AFAP1L1: variants seen among roughly 807,000 people sequenced by gnomAD.
AFAP1L1 encodes actin filament-associated protein 1-like 1.
Under a neutral mutation model 99.8 loss-of-function variants are expected in AFAP1L1, and 77 were observed. The ratio of observed to expected loss-of-function variants is 0.77; its 90% CI spans 0.64 to 0.93. The LOEUF is 0.93. Among genes scored for constraint, AFAP1L1 ranks in the 40% least tolerant of loss-of-function variants. AFAP1L1 has a pLI of 0.00. For synonymous variants in AFAP1L1, 373 were observed against 395.3 expected, an observed-to-expected ratio of 0.94 and a Z score of 0.67; for missense variants, 893 against 996.8, an observed-to-expected ratio of 0.90 and a Z score of 1.40.
At chr5:149,333,703 T>A (rs186601066) in intron 17 of AFAP1L1, among the ~76,000 whole-genome samples, 5 of 152,324 alleles carry the variant, frequency 3.3e-5, no homozygotes, top group Admixed American at 3.3e-4. Flanking sequence ...AGGTCCTACC[T>A]AAGGATATCA....
rs1321313401 is a variant in AFAP1L1 at position 149,340,835 on chromosome 5, A to T, written c.*805A>T. 2 of 152,176 alleles carry T rather than the reference A, an allele frequency of 1.3e-5. No homozygotes were observed. Among genetic ancestry groups the T allele is most frequent in the African/African-American group, 4.8e-5 (2 of 41,460 alleles). The allele number at this position is 152,176 out of a possible 1,614,324, so 9.4% of individuals were successfully genotyped here. A position where few individuals can be genotyped will look rare whatever the true frequency, so the allele number is the denominator to read the frequency against. On this transcript the variant is annotated 3_prime_UTR_variant, in exon 19 of 19. Transcript: ENST00000296721. Reference sequence around the variant, plus strand: ...TCAAGTCCCTTACCTATGTTCTGACACTGAGGCTCTTGGAGCTATGGGTTA... The same window carrying T: ...TCAAGTCCCTTACCTATGTTCTGACTCTGAGGCTCTTGGAGCTATGGGTTA...
rs1331362599 is a variant in AFAP1L1, at chr5:149,320,816, G to T, written c.1698+353G>T. Reference sequence around the variant, plus strand: ...GCTGATTCCGTGGTGTCTGGGGCAGGTCCTGACTCTGGGACCACCCCGCAA... The same window carrying T: ...GCTGATTCCGTGGTGTCTGGGGCAGTTCCTGACTCTGGGACCACCCCGCAA... On this transcript the variant is annotated intron_variant, in intron 14 of 18. Coordinates refer to ENST00000296721, the MANE Select transcript of AFAP1L1 (RefSeq NM_152406.4). This position sits in a 1 kb window ranked among gnomAD's most constrained non-coding sequence, Gnocchi z 4.0. Among the ~76,000 whole-genome samples the T allele has an allele frequency of 6.6e-6, 1 of 152,222 alleles. No individual in the cohort carries two copies. Among genetic ancestry groups the T allele is most frequent in the Non-Finnish European group, 1.5e-5 (1 of 68,042 alleles).
At chr5:149,300,745 T>G (rs1375097626) in intron 3 of AFAP1L1, among the ~76,000 whole-genome samples, 1 of 152,238 alleles carries the variant, frequency 6.6e-6, no homozygotes, top group African/African-American at 2.4e-5. Context: ...GCAGAGTACC[T>G]GCCGTCCTAG....
chr5:149,284,409 T>A (rs1419786743), intron 1 of AFAP1L1, among the ~76,000 whole-genome samples: 1 of 152,088 alleles, frequency 6.6e-6, no homozygotes, highest in Admixed American at 6.5e-5. Context: ...GAGATAACAG[T>A]CTCCTATCTA....
chr5:149,279,715 G>T (rs912364486), intron 1 of AFAP1L1, among the ~76,000 whole-genome samples: 1 of 152,176 alleles, frequency 6.6e-6, no homozygotes, highest in Non-Finnish European at 1.5e-5. Flanking sequence ...CACTTTGCCA[G>T]CTCGCTTTGG....
At chr5:149,300,409 T>C in intron 3 of AFAP1L1, 55 bp downstream of exon 3, 1 of 1,503,140 alleles carries the variant, frequency 6.7e-7, no homozygotes, top group Non-Finnish European at 9.2e-7. Context: ...TCCCTGTGTA[T>C]GCAGAAGGGT....
chr5:149,314,967 C>T (rs963061866), intron 9 of AFAP1L1, among the ~76,000 whole-genome samples: 1 of 152,162 alleles, frequency 6.6e-6, no homozygotes, highest in African/African-American at 2.4e-5. Context: ...TGAGCTGGCT[C>T]CGTCACAGCA....
chr5:149,340,865 T>C lies in AFAP1L1; in HGVS notation c.*835T>C, dbSNP rs1757543282. ...GGCTCTTGGAGCTATGGGTTAGAAATCCAGGAGGCAATATGTCTTTATTCT... is the reference window on the plus strand; with the variant it reads ...GGCTCTTGGAGCTATGGGTTAGAAACCCAGGAGGCAATATGTCTTTATTCT... On this transcript the variant is annotated 3_prime_UTR_variant, in exon 19 of 19. Transcript: ENST00000296721. 1 of 149,840 alleles carries C rather than the reference T, an allele frequency of 6.7e-6. No individual in the cohort carries two copies. The highest frequency in any genetic ancestry group is 1.5e-5 in the Non-Finnish European group (1 of 66,434). The allele number at this position is 149,840 out of a possible 1,614,324, so 9.3% of individuals were successfully genotyped here.
intron 18 of AFAP1L1, among the ~76,000 whole-genome samples, chr5:149,337,724 G>C (rs953870683): frequency 1.3e-5 from 2 of 152,130 alleles, no homozygotes; most frequent in Non-Finnish European, 2.9e-5. Flanking sequence ...GTTAATGTAA[G>C]AAGATAATTC....
At position 149,320,489 on chromosome 5, in the gene AFAP1L1, A is replaced by G. The variant is rs1236800430; in HGVS notation, c.1698+26A>G. ...GTACAGTCCCTTGGGGCTGCCCAGG[A>G]ATGTGGCAAAGGCCACTTATTAGCT... On this transcript the variant is annotated intron_variant, in intron 14 of 18. Coordinates refer to ENST00000296721, the MANE Select transcript of AFAP1L1 (RefSeq NM_152406.4). The surrounding 1 kb of genome is among the most constrained non-coding windows in gnomAD (Gnocchi z 4.0). 1 of 1,610,380 alleles carries G rather than the reference A, an allele frequency of 6.2e-7. No individual in the cohort carries two copies. The highest frequency in any genetic ancestry group is 1.7e-5 in the Admixed American group (1 of 60,020).
chr5:149,279,103 C>T (rs1439047715), intron 1 of AFAP1L1, among the ~76,000 whole-genome samples: 1 of 152,188 alleles, frequency 6.6e-6, no homozygotes, highest in Non-Finnish European at 1.5e-5. Flanking sequence ...AACTCAACCA[C>T]ATGAGAAGTT....
chr5:149,301,809 C>G (rs1012123419), intron 4 of AFAP1L1, among the ~76,000 whole-genome samples: 4 of 152,244 alleles, frequency 2.6e-5, no homozygotes, highest in African/African-American at 9.6e-5. Context: ...TCATTGTCAT[C>G]ATCACCAGCA....
At chr5:149,325,460 C>T (rs1000541733) in intron 15 of AFAP1L1, among the ~76,000 whole-genome samples, 2 of 152,196 alleles carry the variant, frequency 1.3e-5, no homozygotes, top group Non-Finnish European at 2.9e-5. Flanking sequence ...AAGCTCCCTT[C>T]CTCTACCCAG....
Position 149,341,779 on chromosome 5 carries a change from AG to A in AFAP1L1, c.*1750del, listed in dbSNP as rs1398455259. 3.9e-5 allele frequency: 6 copies of A among 152,034 alleles called. No homozygotes were observed. Among genetic ancestry groups the A allele is most frequent in the African/African-American group, 1.4e-4 (6 of 41,394 alleles). The allele number at this position is 152,034 out of a possible 1,614,324, so 9.4% of individuals were successfully genotyped here. On this transcript the variant is annotated 3_prime_UTR_variant, in exon 19 of 19. Coordinates refer to ENST00000296721, the MANE Select transcript of AFAP1L1 (RefSeq NM_152406.4). ...AAGACCCCATCTATTAAAAAAAAAA[AG>A]TGGCTATTATTAGCTATATCAGAAA... is the stretch of plus-strand genomic sequence containing the variant.
At chr5:149,312,755 C>T (rs1756674483) in intron 9 of AFAP1L1, among the ~76,000 whole-genome samples, 1 of 151,998 alleles carries the variant, frequency 6.6e-6, no homozygotes, top group South Asian at 2.1e-4. Context: ...CGTCACTGCA[C>T]TCCAGCCTGG....
At position 149,290,060 on chromosome 5, in the gene AFAP1L1, C is replaced by G. The variant is rs571679703; in HGVS notation, c.17-9449C>G. On this transcript the variant is annotated intron_variant, in intron 1 of 18. Transcript: ENST00000296721. Reference sequence around the variant, plus strand: ...CATCCTGGCTAACATGGTGAAACACCTTCTCTACTAAAAATACAAAAAATT... The same window carrying G: ...CATCCTGGCTAACATGGTGAAACACGTTCTCTACTAAAAATACAAAAAATT... Among the ~76,000 whole-genome samples, 389 of 152,240 alleles carry G rather than the reference C, an allele frequency of 2.6e-3. 1 individual carries two copies. Among genetic ancestry groups the G allele is most frequent in the Non-Finnish European group, 3.7e-3 (251 of 68,022 alleles).
At chr5:149,338,032 C>T (rs1027934953) in intron 18 of AFAP1L1, among the ~76,000 whole-genome samples, 4 of 152,184 alleles carry the variant, frequency 2.6e-5, no homozygotes, top group East Asian at 1.9e-4. Flanking sequence ...GCAGGCAGTG[C>T]CTGATCATTT....
Position 149,299,775 on chromosome 5 carries a change from C to T in AFAP1L1, c.145+138C>T. 2 of 1,358,574 alleles carry T rather than the reference C, an allele frequency of 1.5e-6. 1 individual carries two copies. Among genetic ancestry groups the T allele is most frequent in the South Asian group, 2.9e-5 (2 of 69,840 alleles). The allele number at this position is 1,358,574 out of a possible 1,614,324, so 84.2% of individuals were successfully genotyped here. ...GCTGCCGCAGGAGGAAGGCTAAGCC[C>T]TGGACACAGCGTCCAATGCATTCCA... is the stretch of plus-strand genomic sequence containing the variant. On this transcript the variant is annotated intron_variant, in intron 2 of 18. Transcript: ENST00000296721.
At chr5:149,326,108 T>G (rs1408885863) in intron 15 of AFAP1L1, among the ~76,000 whole-genome samples, 1 of 152,184 alleles carries the variant, frequency 6.6e-6, no homozygotes, top group Non-Finnish European at 1.5e-5. Context: ...TCGAAAGAAC[T>G]GACTTTAGTT....
Sources: gnomAD v4.1 joint callset for allele counts (sites outside exome capture counted in the v4.1 genomes callset) on GRCh38, gnomAD v4.1.1 for gene constraint, Gnocchi (gnomAD v3.1) non-coding constraint, MANE v1.5 for transcripts, NCBI Gene and HGNC (gene_info 2026-07-23, HGNC 2026-07-21) for gene names.